KCNAB2: variants seen among roughly 807,000 people sequenced by gnomAD.
The protein encoded by KCNAB2 is voltage-gated potassium channel subunit beta-2.
Under a neutral mutation model 63.6 loss-of-function variants are expected in KCNAB2, and 29 were observed. The ratio of observed to expected loss-of-function variants is 0.46; its 90% CI spans 0.34 to 0.62. KCNAB2 has a LOEUF of 0.62. KCNAB2 is among the 20% of genes least tolerant of loss of function. The pLI is 0.01. For synonymous variants in KCNAB2, 222 were observed against 224.2 expected (o/e 0.99, Z 0.09); for missense variants, 359 against 563.9 (o/e 0.64, Z 3.68).
chr1:6,046,074 G>A lies in KCNAB2; in HGVS notation c.-136G>A, dbSNP rs754467700. 1.0e-6 allele frequency: 1 copy of A among 985,356 alleles called. No homozygotes were observed. Among genetic ancestry groups the A allele is most frequent in the African/African-American group, 1.7e-5 (1 of 57,240 alleles). 61.0% of individuals were successfully genotyped at this position (985,356 alleles called of 1,614,324 possible). On this transcript the variant is annotated 5_prime_UTR_variant, in exon 1 of 16. It adds an upstream start codon to the 5' untranslated region. Transcript: ENST00000378083. ...CACCAATTGCTTCTGACGTCCTGCA[G>A]TGACACTCCCTAATGAAAAAGCCGC...
chr1:6,020,713 C>T (rs2100327086), intron 1 of KCNAB2, among the ~76,000 whole-genome samples: 1 of 152,342 alleles, frequency 6.6e-6, no homozygotes, highest in South Asian at 2.1e-4. Context: ...GTCACCCAGG[C>T]TGGAGTGCAA....
rs866331836 is a variant in KCNAB2, at chr1:6,015,037, T to G, written c.-53+22249T>G. Among the ~76,000 whole-genome samples the G allele has an allele frequency of 4.8e-3, 650 of 134,748 alleles. 1 individual carries two copies. Among genetic ancestry groups the G allele is most frequent in the African/African-American group, 0.016 (582 of 37,150 alleles). The allele number at this position is 134,748 out of a possible 152,430, so 88.4% of individuals were successfully genotyped here. Reference sequence around the variant, plus strand: ...CTTCCTTTTTTTTTTTTTTTTTTTTTTTTTTGTTTTTTGAGATGGAGTCTC... The same window carrying G: ...CTTCCTTTTTTTTTTTTTTTTTTTTGTTTTTGTTTTTTGAGATGGAGTCTC... On this transcript the variant is annotated intron_variant, in intron 1 of 16. Transcript: ENST00000341524.
At chr1:6,090,571 GGCACC>G in intron 9 of KCNAB2, 96 bp downstream of exon 9, 2 of 941,734 alleles carry the variant, frequency 2.1e-6, no homozygotes, top group Non-Finnish European at 3.3e-6. Context: ...GGCCCTGCTG[GGCACC>G]CGGGTGAGCC....
chr1:6,095,863 A>AG (rs1294647927), intron 13 of KCNAB2, among the ~76,000 whole-genome samples: 2 of 54,584 alleles, frequency 3.7e-5, no homozygotes, highest in Admixed American at 1.7e-4. Flanking sequence ...GCCCTTTCAC[A>AG]TCCCCCCCCC....
chr1:6,040,375 G>GTCTC, intron 1 of KCNAB2: 2 of 621,134 alleles, frequency 3.2e-6, no homozygotes. Context: ...CTGTCTGTCT[G>GTCTC]TCTCTCTGCT....
intron 1 of KCNAB2, among the ~76,000 whole-genome samples, chr1:6,025,215 C>G (rs1659067504): frequency 6.6e-6 from 1 of 152,162 alleles, no homozygotes; most frequent in Admixed American, 6.5e-5. Flanking sequence ...CAGCAGCACC[C>G]CTGGTGTAGG....
chr1:6,057,300 G>C (rs1418839301), intron 2 of KCNAB2, among the ~76,000 whole-genome samples: 1 of 152,014 alleles, frequency 6.6e-6, no homozygotes, highest in Non-Finnish European at 1.5e-5. Flanking sequence ...CACAAGCTCA[G>C]GTTCACCAGG....
At chr1:6,030,986 T>C (rs1381370843), upstream of KCNAB2, among the ~76,000 whole-genome samples, 1 of 151,856 alleles carries the variant, frequency 6.6e-6, no homozygotes, top group East Asian at 1.9e-4. Context: ...AGGACATGGA[T>C]GCTGGGAGAA....
At chr1:6,032,347 A>C (rs1176773963), upstream of KCNAB2, among the ~76,000 whole-genome samples, 2 of 152,160 alleles carry the variant, frequency 1.3e-5, no homozygotes, top group Non-Finnish European at 2.9e-5. Flanking sequence ...TTGGGAGGCC[A>C]AGGCAGGCAG....
chr1:6,088,787 G>A (rs1664923819), intron 7 of KCNAB2, among the ~76,000 whole-genome samples: 1 of 129,318 alleles, frequency 7.7e-6, no homozygotes, highest in Non-Finnish European at 1.7e-5. Flanking sequence ...ACCCCCTGCT[G>A]CTGCCCCCCT....
chr1:6,038,132 C>T (rs1187453142), intron 1 of KCNAB2, among the ~76,000 whole-genome samples: 1 of 152,024 alleles, frequency 6.6e-6, no homozygotes, highest in African/African-American at 2.4e-5. Flanking sequence ...CCACCTCAGC[C>T]TCCCAAAGTT....
chr1:6,016,689 A>G (rs1658521025), intron 1 of KCNAB2, among the ~76,000 whole-genome samples: 1 of 152,166 alleles, frequency 6.6e-6, no homozygotes, highest in African/African-American at 2.4e-5. Context: ...CAGGCAGTAG[A>G]CGGCAGCGGT....
At chr1:6,060,867 C>T (rs1662250873) in intron 2 of KCNAB2, among the ~76,000 whole-genome samples, 1 of 145,450 alleles carries the variant, frequency 6.9e-6, no homozygotes, top group African/African-American at 2.6e-5. Flanking sequence ...CGCACCACTG[C>T]ACTCCAGCCT....
chr1:6,057,133 G>A (rs1316083708), intron 2 of KCNAB2, among the ~76,000 whole-genome samples: 1 of 150,746 alleles, frequency 6.6e-6, no homozygotes, highest in Non-Finnish European at 1.5e-5. Flanking sequence ...GGGAAGACAG[G>A]ACTGACTGGA....
At chr1:6,051,462 G>T in intron 1 of KCNAB2, 49 bp from the exon 2 acceptor site, 2 of 1,426,612 alleles carry the variant, frequency 1.4e-6, no homozygotes, top group Non-Finnish European at 1.8e-6. Context: ...ATCCAGCCTG[G>T]GGCACGTGGG....
Position 6,072,811 on chromosome 1 carries a change from G to A in KCNAB2, c.262+13G>A, listed in dbSNP as rs1309445660. 6 of 1,612,844 alleles carry A rather than the reference G, an allele frequency of 3.7e-6. No individual in the cohort carries two copies. The African/African-American group carries it at 6.7e-5, about 18-fold the overall frequency. ...TGCCTGGGACTTGGTGAGTGTGGGG[G>A]TCCCCTCCGTCCCACCAGGGAAACA... On this transcript the variant is annotated intron_variant, in intron 3 of 15. Transcript: ENST00000378083.
intron 1 of KCNAB2, among the ~76,000 whole-genome samples, chr1:6,001,978 T>G (rs1390100383): frequency 6.6e-6 from 1 of 152,192 alleles, no homozygotes; most frequent in African/African-American, 2.4e-5. Context: ...TGCCCTGCAG[T>G]GGTCATGACT....
At chr1:6,032,193 G>A (rs1659671830), upstream of KCNAB2, among the ~76,000 whole-genome samples, 1 of 152,140 alleles carries the variant, frequency 6.6e-6, no homozygotes. Flanking sequence ...AACTGCAGTT[G>A]AGAAAACACC....
At chr1:6,048,844 G>T (rs1661157930) in intron 1 of KCNAB2, among the ~76,000 whole-genome samples, 1 of 152,240 alleles carries the variant, frequency 6.6e-6, no homozygotes, top group South Asian at 2.1e-4. Context: ...CGCATGGAGG[G>T]AAGGGAGTGG....
Sources: allele counts gnomAD v4.1 joint callset (sites outside exome capture counted in the v4.1 genomes callset), GRCh38; gene constraint gnomAD v4.1.1; transcripts MANE v1.5; gene names NCBI Gene and HGNC (gene_info 2026-07-23, HGNC 2026-07-21).